The following SLC25A48 variants were observed in gnomAD, a reference collection of about 807,000 sequenced individuals.
SLC25A48 encodes the protein solute carrier family 25 member 48.
SLC25A48 carries 29 observed loss-of-function variants against 32.2 expected under a neutral mutation model. That is an observed-to-expected ratio of 0.90 (90% CI 0.67 to 1.23). The LOEUF (loss-of-function observed/expected upper bound fraction) is 1.23. Ranked by LOEUF, SLC25A48 falls within the 50% of genes most tolerant of loss-of-function variation. The pLI is 0.00. For missense variants in SLC25A48, 399 were observed against 422.7 expected (o/e 0.94, Z 0.49); for synonymous variants, 164 against 172.3 (o/e 0.95, Z 0.38).
intron 4 of SLC25A48, among the ~76,000 whole-genome samples, chr5:135,823,280 GTTCCTGATGGGCTC>G (rs1440041858): frequency 6.6e-6 from 1 of 152,196 alleles, no homozygotes; most frequent in Non-Finnish European, 1.5e-5. Context: ...CCCCTGCCAT[GTTCCTGATGGGCTC>G]TGGGTCTGGC....
intron 1 of SLC25A48, among the ~76,000 whole-genome samples, chr5:135,623,322 G>A (rs1752367837): frequency 6.6e-6 from 1 of 152,156 alleles, no homozygotes; most frequent in African/African-American, 2.4e-5. Context: ...CCAGGATCCT[G>A]GTTGCTCACT....
chr5:135,650,618 T>G, intron 3 of SLC25A48: 1 of 334,520 alleles, frequency 3.0e-6, no homozygotes, highest in Non-Finnish European at 5.9e-6. Flanking sequence ...ATTAAGCACC[T>G]ACTGTTAGCT....
chr5:135,772,804 G>T (rs182531826), intron 3 of SLC25A48, among the ~76,000 whole-genome samples: 2 of 151,312 alleles, frequency 1.3e-5, no homozygotes, highest in Non-Finnish European at 3.0e-5. Flanking sequence ...ATGTCTCAGG[G>T]GTTGTACAAC....
chr5:135,789,039 G>T (rs1022249865), intron 3 of SLC25A48, among the ~76,000 whole-genome samples: 2 of 151,742 alleles, frequency 1.3e-5, no homozygotes, highest in African/African-American at 2.4e-5. Flanking sequence ...ATGTGTTGGG[G>T]GATGTACACC....
At chr5:135,720,972 G>A (rs1054687213) in intron 3 of SLC25A48, among the ~76,000 whole-genome samples, 1 of 152,018 alleles carries the variant, frequency 6.6e-6, no homozygotes, top group African/African-American at 2.4e-5. Context: ...TTAAAGAATG[G>A]GGTGCTCTTA....
chr5:135,703,085 G>T (rs1353665165), intron 3 of SLC25A48, among the ~76,000 whole-genome samples: 2 of 152,222 alleles, frequency 1.3e-5, no homozygotes, highest in Non-Finnish European at 2.9e-5. Context: ...TTCACTGTGA[G>T]CAGTGAACAA....
chr5:135,630,939 A>C (rs962959559), intron 2 of SLC25A48, among the ~76,000 whole-genome samples: 3 of 152,098 alleles, frequency 2.0e-5, no homozygotes, highest in African/African-American at 7.2e-5. Context: ...CATCCCAGGT[A>C]CTTAACAATA....
At chr5:135,583,824 G>A (rs1191198169) in intron 1 of SLC25A48, among the ~76,000 whole-genome samples, 1 of 152,112 alleles carries the variant, frequency 6.6e-6, no homozygotes, top group Non-Finnish European at 1.5e-5. Context: ...TCCCTCTCCA[G>A]CTCCTCCCTC....
At chr5:135,717,952 G>A (rs908695213) in intron 3 of SLC25A48, among the ~76,000 whole-genome samples, 4 of 152,256 alleles carry the variant, frequency 2.6e-5, no homozygotes, top group Admixed American at 6.5e-5. Context: ...ATATGGCCAC[G>A]TAAGTCAAAT....
At chr5:135,660,843 T>C (rs1401219455) in intron 3 of SLC25A48, among the ~76,000 whole-genome samples, 4 of 152,236 alleles carry the variant, frequency 2.6e-5, no homozygotes, top group African/African-American at 9.6e-5. Flanking sequence ...CGGGTGCTGC[T>C]GCTGCTGGTC....
At chr5:135,798,654 C>G (rs530816046) in intron 3 of SLC25A48, among the ~76,000 whole-genome samples, 2 of 151,584 alleles carry the variant, frequency 1.3e-5, no homozygotes, top group Non-Finnish European at 2.9e-5. Context: ...TTCCTAATAT[C>G]AGAAGGTGAG....
chr5:135,851,583 T>C (rs1369660206), intron 3 of SLC25A48, among the ~76,000 whole-genome samples: 1 of 135,120 alleles, frequency 7.4e-6, no homozygotes, highest in Admixed American at 7.7e-5. Flanking sequence ...TGTGTGTGTG[T>C]GCATACGTGT....
At chr5:135,724,010 C>G (rs1203117573) in intron 3 of SLC25A48, among the ~76,000 whole-genome samples, 1 of 152,132 alleles carries the variant, frequency 6.6e-6, no homozygotes, top group African/African-American at 2.4e-5. Flanking sequence ...AAATAAGTGT[C>G]TTTGTTTTCT....
At chr5:135,788,325 A>G (rs2126629527) in intron 3 of SLC25A48, among the ~76,000 whole-genome samples, 1 of 141,960 alleles carries the variant, frequency 7.0e-6, no homozygotes, top group South Asian at 2.3e-4. Flanking sequence ...GGGGGGAGAG[A>G]GGTGATATTA....
chr5:135,884,403 G>T (rs762873621), intron 7 of SLC25A48, among the ~76,000 whole-genome samples: 8 of 152,124 alleles, frequency 5.3e-5, no homozygotes, highest in Non-Finnish European at 8.8e-5. Context: ...GGGACTGCAG[G>T]GTCCCCTGGG....
chr5:135,586,561 G>A (rs1475153439), intron 1 of SLC25A48, among the ~76,000 whole-genome samples: 2 of 152,166 alleles, frequency 1.3e-5, no homozygotes, highest in East Asian at 1.9e-4. Context: ...TGCCATGGGC[G>A]GAATGTGGGG....
intron 3 of SLC25A48, among the ~76,000 whole-genome samples, chr5:135,759,554 A>C (rs1474898908): frequency 6.6e-6 from 1 of 152,184 alleles, no homozygotes; most frequent in African/African-American, 2.4e-5. Context: ...AATAAGTCAT[A>C]CAGGGATGCC....
chr5:135,719,527 T>A (rs1192421890), intron 3 of SLC25A48, among the ~76,000 whole-genome samples: 2 of 151,846 alleles, frequency 1.3e-5, no homozygotes, highest in Non-Finnish European at 2.9e-5. Context: ...GGAGAGATGC[T>A]CCCTACACCA....
chr5:135,874,258 G>A, intron 6 of SLC25A48, 104 bp downstream of exon 6: 1 of 1,300,046 alleles, frequency 7.7e-7, no homozygotes, highest in Non-Finnish European at 9.9e-7. Flanking sequence ...GAGACCAGGG[G>A]GCTGCTGGTG....
Sources: allele counts gnomAD v4.1 joint callset (sites outside exome capture counted in the v4.1 genomes callset), GRCh38; gene constraint gnomAD v4.1.1; transcripts MANE v1.5; gene names NCBI Gene and HGNC (gene_info 2026-07-23, HGNC 2026-07-21).